CHSY3: variants seen among roughly 807,000 people sequenced by gnomAD.
CHSY3 encodes the protein chondroitin sulfate synthase 3.
A neutral mutation model predicts 67.2 loss-of-function variants in CHSY3; 35 were observed. The observed-to-expected ratio is 0.52, with a 90% CI of 0.40 to 0.69. The LOEUF (loss-of-function observed/expected upper bound fraction) is 0.69. Ranked by LOEUF, CHSY3 falls within the 30% of genes least tolerant of loss-of-function variation. The pLI is 0.00. For missense variants in CHSY3, 1,069 were observed against 1,138.5 expected, an observed-to-expected ratio of 0.94 and a Z score of 0.88; for synonymous variants, 474 against 434.7, an observed-to-expected ratio of 1.09 and a Z score of -1.12.
chr5:130,009,326 G>GA (rs1272709572), intron 2 of CHSY3, among the ~76,000 whole-genome samples: 3 of 151,648 alleles, frequency 2.0e-5, no homozygotes, highest in African/African-American at 4.8e-5. Context: ...CATCGCTAAA[G>GA]AAAAAAAATT....
intron 2 of CHSY3, among the ~76,000 whole-genome samples, chr5:130,009,673 C>G (rs139875276): frequency 5.3e-5 from 8 of 151,962 alleles, no homozygotes; most frequent in Middle Eastern, 3.4e-3. Flanking sequence ...GGCTGAACAC[C>G]CCATTTAAAA....
chr5:129,904,455 C>T, upstream of CHSY3: 1 of 182,864 alleles, frequency 5.5e-6, no homozygotes, highest in Non-Finnish European at 1.1e-5. Flanking sequence ...AGGGAGGGCC[C>T]AGGCGCGCCA....
intron 2 of CHSY3, among the ~76,000 whole-genome samples, chr5:130,108,771 C>T (rs1767494056): frequency 6.6e-6 from 1 of 151,594 alleles, no homozygotes; most frequent in South Asian, 2.1e-4. Context: ...TTATCAACTT[C>T]AAAGCAGATG....
At chr5:130,139,928 T>G (rs1376975113) in intron 2 of CHSY3, 1 of 152,288 alleles carries the variant, frequency 6.6e-6, no homozygotes, top group Non-Finnish European at 1.5e-5. Flanking sequence ...TGACGGAATT[T>G]TGAAGCTTTT....
At chr5:129,908,406 T>C in intron 2 of CHSY3, 46 bp downstream of exon 2, 1 of 1,589,750 alleles carries the variant, frequency 6.3e-7, no homozygotes, top group South Asian at 1.1e-5. Flanking sequence ...TACATATACA[T>C]GCCATTTTAT....
At chr5:130,067,527 G>T (rs1226564267) in intron 2 of CHSY3, among the ~76,000 whole-genome samples, 1 of 152,046 alleles carries the variant, frequency 6.6e-6, no homozygotes, top group African/African-American at 2.4e-5. Flanking sequence ...AGACTTTTTA[G>T]TGGTAGGAAT....
intron 2 of CHSY3, among the ~76,000 whole-genome samples, chr5:129,959,111 C>T (rs1465228778): frequency 2.6e-5 from 4 of 152,006 alleles, no homozygotes; most frequent in African/African-American, 7.2e-5. Context: ...ATTTATTTTT[C>T]CTTCTCATGA....
chr5:130,152,979 C>G (rs1769270801), intron 2 of CHSY3, among the ~76,000 whole-genome samples: 1 of 152,086 alleles, frequency 6.6e-6, no homozygotes, highest in Middle Eastern at 3.2e-3. Flanking sequence ...GTAATCAGTC[C>G]CAGCATTTTA....
intron 2 of CHSY3, among the ~76,000 whole-genome samples, chr5:129,991,798 T>C (rs990296604): frequency 1.3e-5 from 2 of 151,996 alleles, no homozygotes; most frequent in African/African-American, 4.8e-5. Flanking sequence ...CTGTTTGAGA[T>C]TGGGAATCAG....
At chr5:130,000,397 T>G (rs1443084190) in intron 2 of CHSY3, among the ~76,000 whole-genome samples, 1 of 152,242 alleles carries the variant, frequency 6.6e-6, no homozygotes, top group Non-Finnish European at 1.5e-5. Flanking sequence ...AAATTTCAAG[T>G]CAGTACACAT....
chr5:130,141,626 T>C, intron 2 of CHSY3: 1 of 517,180 alleles, frequency 1.9e-6, no homozygotes, highest in South Asian at 1.4e-5. Context: ...AAGGACAAGA[T>C]GTCATCCAAG....
At chr5:130,107,927 C>A (rs1429798269) in intron 2 of CHSY3, among the ~76,000 whole-genome samples, 1 of 151,700 alleles carries the variant, frequency 6.6e-6, no homozygotes, top group Non-Finnish European at 1.5e-5. Context: ...CAGTGTCTAA[C>A]ACTCTTTTTC....
chr5:129,998,375 T>C (rs552168952), intron 2 of CHSY3, among the ~76,000 whole-genome samples: 2 of 152,218 alleles, frequency 1.3e-5, no homozygotes, highest in Non-Finnish European at 2.9e-5. Context: ...TCCCTAAATG[T>C]AGTGATTAAT....
At chr5:130,070,698 T>C (rs556850716) in intron 2 of CHSY3, among the ~76,000 whole-genome samples, 33 of 152,230 alleles carry the variant, frequency 2.2e-4, no homozygotes, top group African/African-American at 7.9e-4. Flanking sequence ...ATTACAGTCA[T>C]ATAAAAATAA....
At chr5:129,905,872 C>A in intron 1 of CHSY3, 3 of 870,456 alleles carry the variant, frequency 3.4e-6, no homozygotes, top group Non-Finnish European at 5.0e-6. Flanking sequence ...TCCTCACTTG[C>A]TGTTTTCGGT....
intron 2 of CHSY3, among the ~76,000 whole-genome samples, chr5:129,914,868 A>G (rs1293201943): frequency 6.6e-6 from 1 of 152,208 alleles, no homozygotes; most frequent in Non-Finnish European, 1.5e-5. Flanking sequence ...AGTTTGGAAG[A>G]TGCCTACAGG....
intron 2 of CHSY3, among the ~76,000 whole-genome samples, chr5:130,179,751 G>C (rs1276299785): frequency 1.3e-5 from 2 of 150,978 alleles, no homozygotes; most frequent in African/African-American, 2.4e-5. Context: ...TATACTTTGT[G>C]TCAGTGTTAC....
chr5:129,987,665 C>T (rs1763245172), intron 2 of CHSY3, among the ~76,000 whole-genome samples: 1 of 152,164 alleles, frequency 6.6e-6, no homozygotes, highest in African/African-American at 2.4e-5. Context: ...CAAGATCACA[C>T]TGTTAAATTT....
intron 2 of CHSY3, among the ~76,000 whole-genome samples, chr5:129,913,438 C>A (rs1760634118): frequency 6.6e-6 from 1 of 152,056 alleles, no homozygotes; most frequent in Non-Finnish European, 1.5e-5. Flanking sequence ...AATTGTATAT[C>A]ATATAACATA....
Sources: allele counts gnomAD v4.1 joint callset (sites outside exome capture counted in the v4.1 genomes callset), GRCh38; gene constraint gnomAD v4.1.1; transcripts MANE v1.5; gene names NCBI Gene and HGNC (gene_info 2026-07-23, HGNC 2026-07-21).